Variants in GRIN2B observed in about 807,000 individuals in gnomAD.
GRIN2B encodes glutamate ionotropic receptor NMDA type subunit 2B, also known as glutamate receptor ionotropic, NMDA 2B.
In GRIN2B, 5 loss-of-function variants were observed where a neutral mutation model predicts 114.5. The ratio of observed to expected loss-of-function variants is 0.04; its 90% CI spans 0.02 to 0.09. The LOEUF (loss-of-function observed/expected upper bound fraction) is 0.09, where lower values mean the gene tolerates loss of function less well. Ranked by LOEUF, GRIN2B falls within the 10% of genes least tolerant of loss-of-function variation. The pLI, the probability that GRIN2B is intolerant of heterozygous loss-of-function variation, is 1.00. For missense variants in GRIN2B, 1,108 were observed against 1,943.5 expected (o/e 0.57, Z 8.08); for synonymous variants, 787 against 745.1 (o/e 1.06, Z -0.92).
chr12:13,553,648 A>C lies in GRIN2B; in HGVS notation c.*9135T>G, dbSNP rs1948444333. 1 of 152,184 alleles carries C rather than the reference A, an allele frequency of 6.6e-6. No homozygotes were observed. The highest frequency in any genetic ancestry group is 2.4e-5 in the African/African-American group (1 of 41,444). 9.4% of individuals were successfully genotyped at this position (152,184 alleles called of 1,614,324 possible). ...GTGATTAGTGAGCCAGAACTGTGAC[A>C]AGGTTCTTTTGGTGCTGAAAGTGTT... is the stretch of plus-strand genomic sequence containing the variant. On this transcript the variant is annotated 3_prime_UTR_variant, in exon 14 of 14. Transcript: ENST00000609686.
chr12:13,651,331 C>A (rs756002141), intron 5 of GRIN2B, among the ~76,000 whole-genome samples: 1 of 152,024 alleles, frequency 6.6e-6, no homozygotes, highest in Non-Finnish European at 1.5e-5. Context: ...TAATCAGCAG[C>A]CATGTGTAGA....
chr12:13,539,483 A>G lies in GRIN2B; in HGVS notation c.*23300T>C, dbSNP rs1460734392. ...ACTTGGATAATTTAGCAATCAAGGT[A>G]TAGAAAGAGAGATCATTTAGAATCC... is the stretch of plus-strand genomic sequence containing the variant. On this transcript the variant is annotated 3_prime_UTR_variant, in exon 14 of 14. Transcript: ENST00000609686. The G allele has an allele frequency of 1.3e-5, 2 of 152,226 alleles. No homozygotes were observed. The highest frequency in any genetic ancestry group is 2.9e-5 in the Non-Finnish European group (2 of 68,034). 9.4% of individuals were successfully genotyped at this position (152,226 alleles called of 1,614,324 possible).
intron 4 of GRIN2B, among the ~76,000 whole-genome samples, chr12:13,709,406 A>C (rs1295021190): frequency 6.6e-6 from 1 of 152,050 alleles, no homozygotes; most frequent in African/African-American, 2.4e-5. Flanking sequence ...TTATAAAAAT[A>C]CTCAAACAAG....
chr12:13,750,236 G>A (rs1171864829), intron 4 of GRIN2B, among the ~76,000 whole-genome samples: 1 of 152,214 alleles, frequency 6.6e-6, no homozygotes, highest in African/African-American at 2.4e-5. Flanking sequence ...AAAGACGGAT[G>A]TGGGCCTCTA....
intron 5 of GRIN2B, among the ~76,000 whole-genome samples, chr12:13,642,320 G>C (rs749569804): frequency 5.9e-5 from 9 of 152,160 alleles, no homozygotes; most frequent in Non-Finnish European, 1.0e-4. Context: ...ATTCTTCCCT[G>C]AGAATCACTT....
intron 4 of GRIN2B, among the ~76,000 whole-genome samples, chr12:13,698,557 A>G (rs1219960900): frequency 6.6e-6 from 1 of 152,240 alleles, no homozygotes; most frequent in African/African-American, 2.4e-5. Context: ...AGTGTATTAT[A>G]TAATTGTTTC....
intron 4 of GRIN2B, among the ~76,000 whole-genome samples, chr12:13,691,903 G>A (rs1950217665): frequency 6.6e-6 from 1 of 152,150 alleles, no homozygotes; most frequent in South Asian, 2.1e-4. Context: ...CCACCTAGAG[G>A]AGATGAATTA....
chr12:13,777,415 G>T (rs1159052097), intron 3 of GRIN2B, among the ~76,000 whole-genome samples: 1 of 152,132 alleles, frequency 6.6e-6, no homozygotes, highest in Non-Finnish European at 1.5e-5. Context: ...ACCTGTGCCA[G>T]GAATCTGCAG....
chr12:13,930,336 G>A (rs1867004612), intron 2 of GRIN2B, among the ~76,000 whole-genome samples: 1 of 152,142 alleles, frequency 6.6e-6, no homozygotes, highest in Admixed American at 6.5e-5. Context: ...GGGGCATTTG[G>A]CCAAGTTTCC....
At chr12:13,642,805 G>C (rs76879746) in intron 5 of GRIN2B, among the ~76,000 whole-genome samples, 9,831 of 152,230 alleles carry the variant, frequency 0.065, 412 homozygotes, top group East Asian at 0.17. Flanking sequence ...CTTGAAAAAT[G>C]AGGAAACTGA....
At chr12:13,698,113 T>C (rs1266015151) in intron 4 of GRIN2B, among the ~76,000 whole-genome samples, 4 of 152,228 alleles carry the variant, frequency 2.6e-5, no homozygotes, top group Non-Finnish European at 5.9e-5. Flanking sequence ...CACATCATTA[T>C]CAGGCCGTGC....
intron 8 of GRIN2B, among the ~76,000 whole-genome samples, chr12:13,612,630 A>G (rs1949380749): frequency 6.6e-6 from 1 of 152,242 alleles, no homozygotes; most frequent in Non-Finnish European, 1.5e-5. Context: ...CAAGGTAGCA[A>G]GAATGTTCCA....
At chr12:13,941,793 C>T (rs1036082968) in intron 2 of GRIN2B, among the ~76,000 whole-genome samples, 1 of 152,196 alleles carries the variant, frequency 6.6e-6, no homozygotes, top group African/African-American at 2.4e-5. Flanking sequence ...ACCATGGTAG[C>T]CGAAGGCTGA....
At chr12:13,692,760 C>CTTTTTTTT (rs71067718) in intron 4 of GRIN2B, among the ~76,000 whole-genome samples, 2 of 52,120 alleles carry the variant, frequency 3.8e-5, no homozygotes, top group African/African-American at 1.9e-4. Flanking sequence ...TCTTTCTTTT[C>CTTTTTTTT]TTTTTTTTTT....
At chr12:13,853,551 G>C in intron 3 of GRIN2B, among the ~76,000 whole-genome samples, 1 of 152,184 alleles carries the variant, frequency 6.6e-6, no homozygotes, top group Non-Finnish European at 1.5e-5. Flanking sequence ...CATGATAAAA[G>C]TCTTGCTCTG....
At chr12:13,855,384 G>A (rs969792055) in intron 3 of GRIN2B, among the ~76,000 whole-genome samples, 2 of 152,334 alleles carry the variant, frequency 1.3e-5, no homozygotes, top group East Asian at 3.9e-4. Context: ...CAGCAAGGCA[G>A]TGAGATTCCA....
chr12:13,663,157 T>C (rs1949940883), intron 5 of GRIN2B, among the ~76,000 whole-genome samples: 1 of 152,144 alleles, frequency 6.6e-6, no homozygotes, highest in Non-Finnish European at 1.5e-5. Flanking sequence ...CAGTTGTCTG[T>C]TGTTAAGACC....
intron 2 of GRIN2B, among the ~76,000 whole-genome samples, chr12:13,917,070 G>A: frequency 6.6e-6 from 1 of 152,070 alleles, no homozygotes; most frequent in East Asian, 1.9e-4. Flanking sequence ...ACACTAAGGG[G>A]CAAGCCTGAA....
At chr12:13,913,318 C>T (rs1333234788) in intron 2 of GRIN2B, among the ~76,000 whole-genome samples, 1 of 152,148 alleles carries the variant, frequency 6.6e-6, no homozygotes, top group African/African-American at 2.4e-5. Flanking sequence ...TCGCACACAA[C>T]CAAAGACACT....
Sources: allele counts gnomAD v4.1 joint callset (sites outside exome capture counted in the v4.1 genomes callset), GRCh38; gene constraint gnomAD v4.1.1; transcripts MANE v1.5; gene names NCBI Gene and HGNC (gene_info 2026-07-23, HGNC 2026-07-21).